SAMD8: variants seen among roughly 807,000 people sequenced by gnomAD.
SAMD8 encodes the protein sphingomyelin synthase-related protein 1.
Under a neutral mutation model 42.0 loss-of-function variants are expected in SAMD8, and 20 were observed. The observed-to-expected ratio is 0.48, with a 90% CI of 0.34 to 0.69. The LOEUF (loss-of-function observed/expected upper bound fraction) is 0.69, where lower values mean the gene tolerates loss of function less well. Ranked by LOEUF, SAMD8 falls within the 30% of genes least tolerant of loss-of-function variation. SAMD8 has a pLI of 0.01. For missense variants in SAMD8, 328 were observed against 511.6 expected (o/e 0.64, Z 3.46); for synonymous variants, 162 against 173.0 (o/e 0.94, Z 0.50).
chr10:75,162,848 A>G (rs1840589531), intron 2 of SAMD8, among the ~76,000 whole-genome samples: 1 of 152,180 alleles, frequency 6.6e-6, no homozygotes. Flanking sequence ...CAGGAAACAC[A>G]GAGCAAACTA....
intron 2 of SAMD8, among the ~76,000 whole-genome samples, chr10:75,162,604 G>A (rs1016279841): frequency 2.7e-5 from 4 of 146,648 alleles, no homozygotes; most frequent in East Asian, 2.1e-4. Context: ...AGCCGAGATC[G>A]CGCCATTGCA....
At chr10:75,101,810 A>T in intron 1 of SAMD8, 1 of 1,135,520 alleles carries the variant, frequency 8.8e-7, no homozygotes, top group Non-Finnish European at 1.2e-6. Flanking sequence ...GGCCCTCATT[A>T]CCCAGCATGC....
intron 1 of SAMD8, among the ~76,000 whole-genome samples, chr10:75,105,161 T>C (rs1376168325): frequency 2.6e-5 from 4 of 152,084 alleles, no homozygotes; most frequent in Admixed American, 2.6e-4. Context: ...TAGCTAAGCC[T>C]GGAAAGTTTT....
At chr10:75,154,062 G>A (rs1453320713) in intron 2 of SAMD8, among the ~76,000 whole-genome samples, 5 of 152,112 alleles carry the variant, frequency 3.3e-5, no homozygotes, top group Non-Finnish European at 7.4e-5. Flanking sequence ...CACCATGCCC[G>A]GTGAGCTGTA....
intron 1 of SAMD8, among the ~76,000 whole-genome samples, chr10:75,117,926 G>A (rs1323318718): frequency 2.0e-5 from 3 of 152,106 alleles, no homozygotes; most frequent in African/African-American, 7.2e-5. Flanking sequence ...TAAAATGGAC[G>A]GTAATATCTG....
chr10:75,146,377 C>T (rs575785580), intron 1 of SAMD8, among the ~76,000 whole-genome samples: 13 of 149,052 alleles, frequency 8.7e-5, no homozygotes, highest in African/African-American at 2.7e-4. Flanking sequence ...CTCCGCCTCC[C>T]GGGTTCAAGC....
intron 1 of SAMD8, among the ~76,000 whole-genome samples, chr10:75,124,938 G>T (rs186567687): frequency 2.0e-3 from 302 of 151,468 alleles, no homozygotes; most frequent in African/African-American, 4.5e-3. Context: ...TAATTTTTTT[G>T]TTGTTGTTGT....
At chr10:75,158,834 G>A (rs1840482853) in intron 2 of SAMD8, among the ~76,000 whole-genome samples, 1 of 152,046 alleles carries the variant, frequency 6.6e-6, no homozygotes. Flanking sequence ...GGGTCTTTTT[G>A]TGTCACTCAG....
intron 1 of SAMD8, among the ~76,000 whole-genome samples, chr10:75,146,314 C>G (rs775317081): frequency 1.1e-4 from 12 of 107,760 alleles, no homozygotes; most frequent in Non-Finnish European, 2.1e-4. Flanking sequence ...GACAGAGTTT[C>G]GCTCTTGTTG....
upstream of SAMD8, among the ~76,000 whole-genome samples, chr10:75,107,171 G>C (rs968089474): frequency 6.6e-6 from 1 of 152,072 alleles, no homozygotes; most frequent in South Asian, 2.1e-4. Flanking sequence ...CCCTGTCTCT[G>C]CTAAAATACA....
chr10:75,148,346 C>CTGTTTTTTTTTTTT (rs1840193138), intron 1 of SAMD8, among the ~76,000 whole-genome samples: 1 of 82,564 alleles, frequency 1.2e-5, no homozygotes, highest in African/African-American at 6.5e-5. Context: ...GCAATACCAG[C>CTGTTTTTTTTTTTT]TTTTTTTTTT....
In SAMD8 at chr10:75,180,526, GC is replaced by G. The variant is rs763349893; in HGVS notation, c.*3836del. The G allele has an allele frequency of 4.3e-4, 66 of 152,518 alleles. No homozygotes were observed. The highest frequency in any genetic ancestry group is 8.9e-4 in the Non-Finnish European group (61 of 68,220). 9.4% of individuals were successfully genotyped at this position (152,518 alleles called of 1,614,324 possible). ...GGAGGTTGCAGTGAGCCGAGATACTGCCACTACACTTCAGTCTGGGTGACAG... is the reference window on the plus strand; with the variant it reads ...GGAGGTTGCAGTGAGCCGAGATACTGCACTACACTTCAGTCTGGGTGACAG... On this transcript the variant is annotated 3_prime_UTR_variant, in exon 6 of 6. Transcript: ENST00000542569.
intron 1 of SAMD8, among the ~76,000 whole-genome samples, chr10:75,127,039 A>G (rs1325565566): frequency 6.6e-6 from 1 of 152,034 alleles, no homozygotes; most frequent in Admixed American, 6.6e-5. Flanking sequence ...AAATACAAAA[A>G]TTAGTGGAGA....
chr10:75,124,612 C>CA (rs35025534), intron 1 of SAMD8, among the ~76,000 whole-genome samples: 28,958 of 90,174 alleles, frequency 0.32, 3,827 homozygotes, highest in East Asian at 0.61. Flanking sequence ...GACTCCATCT[C>CA]AAAAAAAAAA....
intron 1 of SAMD8, among the ~76,000 whole-genome samples, chr10:75,133,982 T>C (rs980311902): frequency 1.3e-5 from 2 of 152,256 alleles, no homozygotes; most frequent in African/African-American, 2.4e-5. Context: ...GATGGACATT[T>C]GGGTTGATTC....
chr10:75,135,007 G>A (rs1311965995), intron 1 of SAMD8, among the ~76,000 whole-genome samples: 1 of 152,002 alleles, frequency 6.6e-6, no homozygotes. Flanking sequence ...GTTTCATTGA[G>A]CTATAATTGT....
chr10:75,151,260 T>C, intron 2 of SAMD8, among the ~76,000 whole-genome samples, 154 bp downstream of exon 2: 1 of 152,218 alleles, frequency 6.6e-6, no homozygotes, highest in East Asian at 1.9e-4. Flanking sequence ...GAAATTACCT[T>C]TTTCACTTAG....
chr10:75,105,923 G>T (rs1209209931), intron 1 of SAMD8: 2 of 1,504,762 alleles, frequency 1.3e-6, no homozygotes, highest in Non-Finnish European at 1.8e-6. Flanking sequence ...CCACCCACGG[G>T]CTGGGATGGG....
At chr10:75,163,176 T>C (rs751138093) in intron 2 of SAMD8, among the ~76,000 whole-genome samples, 17 of 152,160 alleles carry the variant, frequency 1.1e-4, no homozygotes, top group Admixed American at 1.3e-4. Context: ...CCACCCGCCT[T>C]GGCCTCCCAA....
Sources: allele counts gnomAD v4.1 joint callset (sites outside exome capture counted in the v4.1 genomes callset), GRCh38; gene constraint gnomAD v4.1.1; transcripts MANE v1.5; gene names NCBI Gene and HGNC (gene_info 2026-07-23, HGNC 2026-07-21).